RALGAPA2: variants seen among roughly 807,000 people sequenced by gnomAD.
The protein encoded by RALGAPA2 is ral GTPase-activating protein subunit alpha-2.
RALGAPA2 carries 139 observed loss-of-function variants against 230.4 expected under a neutral mutation model. The observed-to-expected ratio is 0.60, with a 90% CI of 0.53 to 0.69. The LOEUF (loss-of-function observed/expected upper bound fraction) is 0.69, where lower values mean the gene tolerates loss of function less well. Ranked by LOEUF, RALGAPA2 falls within the 30% of genes least tolerant of loss-of-function variation. The pLI is 0.00. For synonymous variants in RALGAPA2, 847 were observed against 837.8 expected (o/e 1.01, Z -0.19); for missense variants, 2,163 against 2,276.0 (o/e 0.95, Z 1.01).
chr20:20,554,248 C>A (rs573463146), intron 23 of RALGAPA2, among the ~76,000 whole-genome samples: 3 of 152,288 alleles, frequency 2.0e-5, no homozygotes, highest in Non-Finnish European at 4.4e-5. Context: ...TGGAATCTTA[C>A]TATATATATG....
chr20:20,521,915 T>G (rs1053462344), intron 30 of RALGAPA2, among the ~76,000 whole-genome samples: 2 of 152,260 alleles, frequency 1.3e-5, no homozygotes, highest in Non-Finnish European at 2.9e-5. Flanking sequence ...AGAGGCCTTG[T>G]GGTCAGGTAC....
chr20:20,636,633 T>C (rs1473069668), intron 8 of RALGAPA2, among the ~76,000 whole-genome samples: 3 of 152,084 alleles, frequency 2.0e-5, no homozygotes, highest in South Asian at 4.1e-4. Flanking sequence ...CAGGTGACCA[T>C]GTTCCCCAAA....
At chr20:20,631,346 A>G (rs952246997) in intron 9 of RALGAPA2, among the ~76,000 whole-genome samples, 2 of 152,194 alleles carry the variant, frequency 1.3e-5, no homozygotes, top group African/African-American at 4.8e-5. Flanking sequence ...TAATCCCCAG[A>G]ATCTGCGAAT....
chr20:20,575,586 G>A (rs1023813460), intron 20 of RALGAPA2, among the ~76,000 whole-genome samples: 1 of 152,066 alleles, frequency 6.6e-6, no homozygotes, highest in Non-Finnish European at 1.5e-5. Context: ...AGTGGCCAGT[G>A]GCAACAGAGC....
chr20:20,709,232 T>C (rs1457460311), intron 1 of RALGAPA2, among the ~76,000 whole-genome samples: 1 of 152,016 alleles, frequency 6.6e-6, no homozygotes, highest in Non-Finnish European at 1.5e-5. Context: ...GGCATGAGAA[T>C]TGCTTGAGCC....
intron 24 of RALGAPA2, among the ~76,000 whole-genome samples, chr20:20,538,039 A>C (rs909137998): frequency 6.6e-6 from 1 of 152,214 alleles, no homozygotes; most frequent in African/African-American, 2.4e-5. Context: ...TATAAAATCA[A>C]AGAGAGCTTT....
intron 37 of RALGAPA2, among the ~76,000 whole-genome samples, chr20:20,413,186 G>A (rs1014646770): frequency 6.6e-6 from 1 of 152,164 alleles, no homozygotes; most frequent in African/African-American, 2.4e-5. Flanking sequence ...GTTTATTATT[G>A]GCAGCTCCAG....
Position 20,573,071 on chromosome 20 carries a change from A to G in RALGAPA2, c.2708-3T>C. 1 of 1,596,368 alleles carries G rather than the reference A, an allele frequency of 6.3e-7. No individual in the cohort carries two copies. Among genetic ancestry groups the G allele is most frequent in the Non-Finnish European group, 8.5e-7 (1 of 1,170,374 alleles). On this transcript the variant is annotated splice_region_variant and splice_polypyrimidine_tract_variant and intron_variant, in intron 20 of 39. Transcript: ENST00000202677. ...ATCTGTGAGGCACTCGCTGCTATCTATGCAGAAAAACATGTCTGTTAACCC... is the reference window on the plus strand; with the variant it reads ...ATCTGTGAGGCACTCGCTGCTATCTGTGCAGAAAAACATGTCTGTTAACCC...
At chr20:20,698,883 T>C (rs920727427) in intron 1 of RALGAPA2, among the ~76,000 whole-genome samples, 2 of 152,346 alleles carry the variant, frequency 1.3e-5, no homozygotes, top group South Asian at 4.1e-4. Flanking sequence ...AGAAAGATTG[T>C]TCCAAGTTAC....
chr20:20,439,475 A>G (rs920827163), intron 37 of RALGAPA2, among the ~76,000 whole-genome samples: 9 of 152,088 alleles, frequency 5.9e-5, no homozygotes, highest in African/African-American at 2.2e-4. Context: ...AGCCTCCCCA[A>G]GTGATGGGAT....
intron 26 of RALGAPA2, among the ~76,000 whole-genome samples, chr20:20,535,440 G>A (rs2063472311): frequency 6.6e-6 from 1 of 152,054 alleles, no homozygotes; most frequent in Admixed American, 6.5e-5. Context: ...TAAATATTTG[G>A]TTTATATTTT....
chr20:20,567,684 T>C (rs2064477282), intron 23 of RALGAPA2, among the ~76,000 whole-genome samples: 1 of 151,910 alleles, frequency 6.6e-6, no homozygotes, highest in African/African-American at 2.4e-5. Flanking sequence ...TTTTGAAGTT[T>C]CATTATTTAT....
intron 37 of RALGAPA2, among the ~76,000 whole-genome samples, chr20:20,436,152 G>A (rs1045236365): frequency 1.3e-5 from 2 of 152,190 alleles, no homozygotes; most frequent in African/African-American, 2.4e-5. Context: ...TCACAGACCT[G>A]CCTGTGGACA....
chr20:20,399,779 T>C (rs1049304660), intron 38 of RALGAPA2, among the ~76,000 whole-genome samples: 1 of 152,236 alleles, frequency 6.6e-6, no homozygotes, highest in Non-Finnish European at 1.5e-5. Flanking sequence ...CTGTACTCAC[T>C]GGGATAGCAA....
Position 20,712,545 on chromosome 20 carries a change from C to A in RALGAPA2, c.-65G>T. On this transcript the variant is annotated 5_prime_UTR_variant, in exon 1 of 40. An upstream start codon of the reference 5' UTR is lost. Transcript: ENST00000202677. This position sits in a 1 kb window ranked among gnomAD's most constrained non-coding sequence, Gnocchi z 5.5. Reference sequence around the variant, plus strand: ...GGCGCCTGCGCCACGCGAATCAAAGCATAGGGTCGAGGCCGGCGCGTGTCG... The same window carrying A: ...GGCGCCTGCGCCACGCGAATCAAAGAATAGGGTCGAGGCCGGCGCGTGTCG... The A allele has an allele frequency of 2.1e-6, 3 of 1,463,144 alleles. No individual in the cohort carries two copies. The highest frequency in any genetic ancestry group is 2.9e-5 in the East Asian group (1 of 34,858). 90.6% of individuals were successfully genotyped at this position (1,463,144 alleles called of 1,614,324 possible).
chr20:20,442,466 CACAA>C (rs1433073697), intron 37 of RALGAPA2, among the ~76,000 whole-genome samples: 1 of 152,330 alleles, frequency 6.6e-6, no homozygotes, highest in East Asian at 1.9e-4. Context: ...AGTGGAATAG[CACAA>C]ACAAATTAAA....
intron 23 of RALGAPA2, among the ~76,000 whole-genome samples, chr20:20,549,465 G>A (rs535715575): frequency 1.1e-4 from 16 of 152,188 alleles, no homozygotes; most frequent in Admixed American, 4.6e-4. Flanking sequence ...TGCCACCCAC[G>A]TAAGACAGCG....
At chr20:20,427,243 G>C (rs1412379148) in intron 37 of RALGAPA2, among the ~76,000 whole-genome samples, 1 of 152,160 alleles carries the variant, frequency 6.6e-6, no homozygotes, top group Admixed American at 6.5e-5. Context: ...AACAACTTCA[G>C]GTGAAAGAAA....
At chr20:20,521,179 C>A in intron 30 of RALGAPA2, 79 bp from the exon 31 acceptor site, 1 of 1,274,244 alleles carries the variant, frequency 7.8e-7, no homozygotes, top group Non-Finnish European at 1.1e-6. Flanking sequence ...TACTGCAGCA[C>A]TTGGCAGCTA....
Sources: allele counts gnomAD v4.1 joint callset (sites outside exome capture counted in the v4.1 genomes callset), GRCh38; gene constraint gnomAD v4.1.1; non-coding constraint Gnocchi (gnomAD v3.1); transcripts MANE v1.5; gene names NCBI Gene and HGNC (gene_info 2026-07-23, HGNC 2026-07-21).